Variants in PTBP3 observed in about 807,000 individuals in gnomAD.
PTBP3 encodes the protein polypyrimidine tract-binding protein 3.
PTBP3 carries 20 observed loss-of-function variants against 58.7 expected under a neutral mutation model. The ratio of observed to expected loss-of-function variants is 0.34; its 90% CI spans 0.24 to 0.50. The LOEUF (loss-of-function observed/expected upper bound fraction) is 0.50. Ranked by LOEUF, PTBP3 falls within the 20% of genes least tolerant of loss-of-function variation. PTBP3 has a pLI of 0.98. For missense variants in PTBP3, 509 were observed against 637.2 expected, an observed-to-expected ratio of 0.80 and a Z score of 2.17; for synonymous variants, 185 against 219.8, an observed-to-expected ratio of 0.84 and a Z score of 1.40.
chr9:112,281,604 T>C (rs929039001), intron 2 of PTBP3, among the ~76,000 whole-genome samples: 2 of 152,224 alleles, frequency 1.3e-5, no homozygotes, highest in Non-Finnish European at 2.9e-5. Context: ...CTCCTTTATA[T>C]TCTGTACAGT....
chr9:112,339,508 T>C, the PTBP3 span, among the ~76,000 whole-genome samples: 1 of 151,906 alleles, frequency 6.6e-6, no homozygotes, highest in Non-Finnish European at 1.5e-5. Context: ...CTTGGATTGT[T>C]GTTATTTTTT....
rs749139802 is a variant in PTBP3 at position 112,311,463 on chromosome 9, ATGAG to A, written c.-51-13551_-51-13548del. On this transcript the variant is annotated intron_variant, in intron 1 of 13. Transcript: ENST00000374257. Reference sequence around the variant, plus strand: ...GGAAATACAGTTGACCCTGAACAACATGAGTGAGTTTGAACTGCCCGAGTCCAAA... The same window carrying A: ...GGAAATACAGTTGACCCTGAACAACATGAGTTTGAACTGCCCGAGTCCAAA... 2.0e-5 allele frequency among the ~76,000 whole-genome samples: 3 copies of A among 152,342 alleles called. No individual in the cohort carries two copies. In the South Asian group the frequency reaches 6.2e-4, roughly 32 times the overall value.
chr9:112,282,767 A>G (rs1362442252), intron 2 of PTBP3, among the ~76,000 whole-genome samples: 6 of 152,024 alleles, frequency 3.9e-5, no homozygotes, highest in Non-Finnish European at 2.9e-5. Flanking sequence ...AAAGGACTAA[A>G]CTTATTTTAG....
chr9:112,305,481 G>A (rs894523746), intron 1 of PTBP3, among the ~76,000 whole-genome samples: 1 of 152,130 alleles, frequency 6.6e-6, no homozygotes, highest in Non-Finnish European at 1.5e-5. Flanking sequence ...AGGCTCCAGT[G>A]AGTTTCCCTG....
intron 12 of PTBP3, among the ~76,000 whole-genome samples, chr9:112,226,356 T>C (rs1419314123): frequency 6.6e-6 from 1 of 152,092 alleles, no homozygotes; most frequent in East Asian, 1.9e-4. Flanking sequence ...TCACTTCCCA[T>C]TCTCATTCTC....
In PTBP3 at chr9:112,281,713, A is replaced by G. The variant is rs146135773; in HGVS notation, c.35-5700T>C. ...TTTTCAATAACTAATTTGATTTTTT[A>G]AACAGCTATATGACTATCTGAGTTT... On this transcript the variant is annotated intron_variant, in intron 2 of 13. Transcript: ENST00000374257. Among the ~76,000 whole-genome samples, 146 of 152,304 alleles carry G rather than the reference A, an allele frequency of 9.6e-4. 1 individual carries two copies. In the East Asian group the frequency reaches 0.025, roughly 26 times the overall value.
At chr9:112,348,395 C>T in the PTBP3 span, among the ~76,000 whole-genome samples, 1 of 152,224 alleles carries the variant, frequency 6.6e-6, no homozygotes, top group East Asian at 1.9e-4. Context: ...AGCATGTGCA[C>T]TAAGAGACAA....
chr9:112,343,369 C>T, the PTBP3 span, among the ~76,000 whole-genome samples: 1 of 151,972 alleles, frequency 6.6e-6, no homozygotes, highest in African/African-American at 2.4e-5. Context: ...CCACCACACC[C>T]GGCTAATTTT....
At chr9:112,317,387 G>A (rs1036760324) in intron 1 of PTBP3, among the ~76,000 whole-genome samples, 1 of 152,108 alleles carries the variant, frequency 6.6e-6, no homozygotes, top group Non-Finnish European at 1.5e-5. Flanking sequence ...CTGGGCAACA[G>A]AGCAAGACCC....
intron 8 of PTBP3, among the ~76,000 whole-genome samples, chr9:112,232,677 G>A (rs183871895): frequency 1.1e-4 from 16 of 152,230 alleles, no homozygotes; most frequent in African/African-American, 3.9e-4. Flanking sequence ...ATGCTAGGTA[G>A]TGCTATATGA....
intron 10 of PTBP3, among the ~76,000 whole-genome samples, chr9:112,230,803 C>T (rs187687163): frequency 1.6e-4 from 24 of 152,296 alleles, no homozygotes; most frequent in Non-Finnish European, 2.8e-4. Context: ...TCATTGTTCT[C>T]ATATTTCTAT....
rs932575475 is a variant in PTBP3 at position 112,222,218 on chromosome 9, T to A, written c.*1633A>T. The A allele has an allele frequency of 3.1e-6, 3 of 980,554 alleles. No homozygotes were observed. Among genetic ancestry groups the A allele is most frequent in the East Asian group, 1.1e-4 (1 of 8,804 alleles). 60.7% of individuals were successfully genotyped at this position (980,554 alleles called of 1,614,324 possible). On this transcript the variant is annotated 3_prime_UTR_variant, in exon 14 of 14. Coordinates refer to ENST00000374257, the MANE Select transcript of PTBP3 (RefSeq NM_001163788.4). ...CAAATTCTGCTTTAAAAAATTCTGA[T>A]CAACAATTGAAGAAATAATAGCAAA...
intron 2 of PTBP3, among the ~76,000 whole-genome samples, chr9:112,288,792 C>A (rs1220459889): frequency 6.6e-6 from 1 of 152,122 alleles, no homozygotes; most frequent in Non-Finnish European, 1.5e-5. Context: ...TAAGCTATTG[C>A]TTAATAATTT....
intron 11 of PTBP3, 95 bp from the exon 12 acceptor site, chr9:112,227,722 A>C (rs1209126608): frequency 2.1e-6 from 2 of 967,396 alleles, no homozygotes; most frequent in Non-Finnish European, 3.2e-6. Flanking sequence ...TTATGTAGTT[A>C]TTTAAAACTG....
At chr9:112,309,657 G>A (rs192216157) in intron 1 of PTBP3, among the ~76,000 whole-genome samples, 43 of 152,044 alleles carry the variant, frequency 2.8e-4, no homozygotes, top group African/African-American at 1.0e-3. Context: ...GCGTGGTGGT[G>A]GACGCCTGTA....
At chr9:112,371,639 TTAG>T in the PTBP3 span, among the ~76,000 whole-genome samples, 3 of 135,650 alleles carry the variant, frequency 2.2e-5, no homozygotes, top group African/African-American at 8.4e-5. Context: ...GGAGAAGTTT[TTAG>T]TAGATTTTTT....
At position 112,297,826 on chromosome 9, in the gene PTBP3, ACTCACCAT is replaced by A; in HGVS notation, c.32_34+5del. On this transcript the variant is annotated splice_donor_variant and splice_donor_5th_base_variant and coding_sequence_variant and intron_variant, in exon 2 of 14. Coordinates refer to ENST00000374257, the MANE Select transcript of PTBP3 (RefSeq NM_001163788.4). LOFTEE classifies it high-confidence loss of function. ...ATCAAATATTAAAAAAAAAAAAAAA[ACTCACCAT>A]ACACACCTGTAGAAGGAGTAGAACT... is the stretch of plus-strand genomic sequence containing the variant. The A allele has an allele frequency of 6.5e-7, 1 of 1,548,332 alleles. No individual in the cohort carries two copies.
intron 8 of PTBP3, 26 bp downstream of exon 8, chr9:112,234,794 T>G (rs190226801): frequency 1.3e-6 from 2 of 1,579,766 alleles, no homozygotes; most frequent in African/African-American, 2.7e-5. Context: ...TTAAAAGTCA[T>G]TTCAAATCCA....
At chr9:112,319,041 C>A (rs1346165028) in intron 1 of PTBP3, among the ~76,000 whole-genome samples, 1 of 149,634 alleles carries the variant, frequency 6.7e-6, no homozygotes, top group African/African-American at 2.5e-5. Flanking sequence ...GCAGGAGAAT[C>A]TTTTGAACCT....
Sources: allele counts gnomAD v4.1 joint callset (sites outside exome capture counted in the v4.1 genomes callset), GRCh38; gene constraint gnomAD v4.1.1; transcripts MANE v1.5; gene names NCBI Gene and HGNC (gene_info 2026-07-23, HGNC 2026-07-21).